The following TENM2 variants were observed in gnomAD, a reference collection of about 807,000 sequenced individuals.
TENM2 encodes teneurin-2.
In TENM2, 52 loss-of-function variants were observed where a neutral mutation model predicts 245.2. That is an observed-to-expected ratio of 0.21 (90% confidence interval 0.17 to 0.27). The LOEUF (loss-of-function observed/expected upper bound fraction) is 0.27, where lower values mean the gene tolerates loss of function less well. TENM2 is among the 10% of genes least tolerant of loss of function. The pLI, the probability that TENM2 is intolerant of heterozygous loss-of-function variation, is 1.00. For missense variants in TENM2, 3,046 were observed against 3,666.8 expected, an observed-to-expected ratio of 0.83 and a Z score of 4.37; for synonymous variants, 1,363 against 1,438.9, an observed-to-expected ratio of 0.95 and a Z score of 1.19.
rs1408312640 is a variant in TENM2 at position 168,162,777 on chromosome 5, T to C, written c.2569+20T>C. On this transcript the variant is annotated intron_variant, in intron 13 of 28. Transcript: ENST00000518659. ...AGGGAGGTGAGCACGCGTCTTCTCA[T>C]TCCCAGCCCCTAAGAGCAGAGCGTT... The C allele has an allele frequency of 1.9e-6, 3 of 1,612,190 alleles. No homozygotes were observed. In the African/African-American group the frequency reaches 4.0e-5, roughly 22 times the overall value.
intron 2 of TENM2, among the ~76,000 whole-genome samples, chr5:167,737,473 A>C (rs1760882889): frequency 2.0e-5 from 3 of 152,222 alleles, no homozygotes; most frequent in Non-Finnish European, 4.4e-5. Context: ...GGTACCTCCC[A>C]GGAAGAGAGA....
chr5:167,354,236 C>T (rs1462651703), intron 1 of TENM2, among the ~76,000 whole-genome samples: 1 of 152,152 alleles, frequency 6.6e-6, no homozygotes, highest in Admixed American at 6.5e-5. Context: ...TTCCTGAGAC[C>T]AAGGGCCACT....
intron 2 of TENM2, among the ~76,000 whole-genome samples, chr5:167,640,880 T>TATCC (rs1554094281): frequency 4.8e-5 from 3 of 62,968 alleles, no homozygotes; most frequent in African/African-American, 3.7e-4. Flanking sequence ...TATATATATA[T>TATCC]ATATATATAT....
chr5:167,725,690 G>T (rs772970032), intron 2 of TENM2, among the ~76,000 whole-genome samples: 1 of 152,128 alleles, frequency 6.6e-6, no homozygotes, highest in Non-Finnish European at 1.5e-5. Context: ...GCTCGCCAGT[G>T]CCCTGAGTGG....
intron 3 of TENM2, among the ~76,000 whole-genome samples, chr5:167,889,685 C>G (rs148686439): frequency 6.6e-6 from 1 of 152,204 alleles, no homozygotes; most frequent in African/African-American, 2.4e-5. Flanking sequence ...CTCCCTCTTT[C>G]TCTGTGGGTT....
chr5:167,151,081 T>C, the TENM2 span, among the ~76,000 whole-genome samples: 1 of 152,218 alleles, frequency 6.6e-6, no homozygotes, highest in African/African-American at 2.4e-5. Flanking sequence ...ATTTAACATG[T>C]ATTTTATTAA....
At chr5:167,284,442 T>A (rs1195343675), upstream of TENM2, among the ~76,000 whole-genome samples, 1 of 152,236 alleles carries the variant, frequency 6.6e-6, no homozygotes, top group Non-Finnish European at 1.5e-5. Context: ...AATTTGGCTT[T>A]GAATTGCTTC....
chr5:167,709,147 C>G (rs540998050), intron 2 of TENM2, among the ~76,000 whole-genome samples: 1 of 152,264 alleles, frequency 6.6e-6, no homozygotes, highest in Admixed American at 6.5e-5. Flanking sequence ...CACTTCTCCC[C>G]CACCGCCCCA....
At chr5:167,176,810 G>A in the TENM2 span, among the ~76,000 whole-genome samples, 3 of 152,076 alleles carry the variant, frequency 2.0e-5, no homozygotes, top group Non-Finnish European at 4.4e-5. Flanking sequence ...TAACTAAGGG[G>A]AAAATAATCT....
chr5:168,074,729 C>T (rs191949434), intron 7 of TENM2, among the ~76,000 whole-genome samples: 127 of 152,270 alleles, frequency 8.3e-4, no homozygotes, highest in African/African-American at 2.8e-3. Context: ...ATTCTGCCTC[C>T]GAACATTTTG....
intron 12 of TENM2, among the ~76,000 whole-genome samples, chr5:168,157,555 G>C (rs1026583534): frequency 2.0e-5 from 3 of 152,204 alleles, no homozygotes; most frequent in African/African-American, 7.2e-5. Context: ...TAGGAAGAAG[G>C]ACAGATAGGA....
intron 2 of TENM2, among the ~76,000 whole-genome samples, chr5:167,785,204 G>A (rs991043193): frequency 1.3e-5 from 2 of 152,072 alleles, no homozygotes; most frequent in Admixed American, 6.6e-5. Flanking sequence ...TTTTATCCTA[G>A]CACACTCTCA....
At chr5:167,700,035 T>C (rs563564473) in intron 2 of TENM2, among the ~76,000 whole-genome samples, 4 of 152,234 alleles carry the variant, frequency 2.6e-5, no homozygotes, top group African/African-American at 7.2e-5. Context: ...ACATAGCACT[T>C]TTGAGGACAT....
chr5:167,392,583 A>G (rs1422522), intron 2 of TENM2, among the ~76,000 whole-genome samples: 95,075 of 152,016 alleles, frequency 0.63, 32,064 homozygotes, highest in African/African-American at 0.9. Context: ...TCAGGCCTTG[A>G]AACTACACTA....
At chr5:167,096,537 T>G in the TENM2 span, among the ~76,000 whole-genome samples, 1 of 152,168 alleles carries the variant, frequency 6.6e-6, no homozygotes, top group African/African-American at 2.4e-5. Flanking sequence ...CTTCTGAGAT[T>G]TCAATCTCTC....
chr5:167,656,616 CT>C lies in TENM2; in HGVS notation c.503-219361del, dbSNP rs201112369. ...GGTACATTAAGTCTGAAGCATAAAA[CT>C]TTTTTTTTGAATTTTATCTTATTTT... On this transcript the variant is annotated intron_variant, in intron 2 of 28. Transcript: ENST00000518659. 7.3e-3 allele frequency among the ~76,000 whole-genome samples: 1,107 copies of C among 151,512 alleles called. 14 individuals carry two copies. Among genetic ancestry groups the C allele is most frequent in the African/African-American group, 0.025 (1,054 of 41,346 alleles).
At chr5:167,862,213 A>C (rs562059000) in intron 2 of TENM2, among the ~76,000 whole-genome samples, 5 of 151,476 alleles carry the variant, frequency 3.3e-5, no homozygotes, top group African/African-American at 1.2e-4. Flanking sequence ...ATGTGTATTA[A>C]TTTTGCTGAC....
At chr5:167,284,430 T>C (rs1454008670), upstream of TENM2, among the ~76,000 whole-genome samples, 4 of 152,196 alleles carry the variant, frequency 2.6e-5, no homozygotes, top group African/African-American at 9.7e-5. Context: ...AAGGATAAGA[T>C]CAATTTGGCT....
At chr5:167,804,206 C>A (rs1396231160) in intron 2 of TENM2, among the ~76,000 whole-genome samples, 1 of 151,958 alleles carries the variant, frequency 6.6e-6, no homozygotes, top group Non-Finnish European at 1.5e-5. Flanking sequence ...GCATGTTTTA[C>A]AGTCTCTTAG....
Sources: gnomAD v4.1 joint callset for allele counts (sites outside exome capture counted in the v4.1 genomes callset) on GRCh38, gnomAD v4.1.1 for gene constraint, MANE v1.5 for transcripts, NCBI Gene and HGNC (gene_info 2026-07-23, HGNC 2026-07-21) for gene names.